The following L3MBTL4 variants were observed in gnomAD, a reference collection of about 807,000 sequenced individuals.
L3MBTL4 encodes the protein lethal(3)malignant brain tumor-like protein 4.
Under a neutral mutation model 84.5 loss-of-function variants are expected in L3MBTL4, and 70 were observed. The observed-to-expected ratio is 0.83, with a 90% CI of 0.68 to 1.01. L3MBTL4 has a LOEUF of 1.01. Ranked by LOEUF, L3MBTL4 falls within the 50% of genes least tolerant of loss-of-function variation. The probability of loss-of-function intolerance (pLI) is 0.00; values close to 1 mark genes in which losing one functional copy is unlikely to be tolerated. For missense variants in L3MBTL4, 715 were observed against 754.8 expected (o/e 0.95, Z 0.62); for synonymous variants, 274 against 259.8 (o/e 1.05, Z -0.52).
intron 5 of L3MBTL4, among the ~76,000 whole-genome samples, chr18:6,257,983 T>G (rs1341282779): frequency 6.6e-6 from 1 of 152,110 alleles, no homozygotes; most frequent in Non-Finnish European, 1.5e-5. Flanking sequence ...AACGTCAGCT[T>G]ACAGGCAGGC....
intron 12 of L3MBTL4, among the ~76,000 whole-genome samples, chr18:6,206,082 G>A (rs963289284): frequency 6.6e-6 from 1 of 152,158 alleles, no homozygotes; most frequent in Admixed American, 6.5e-5. Context: ...TATACTTTTT[G>A]AGCAAATATA....
intron 4 of L3MBTL4, among the ~76,000 whole-genome samples, chr18:6,289,834 C>T (rs1367674823): frequency 6.6e-6 from 1 of 152,180 alleles, no homozygotes; most frequent in Non-Finnish European, 1.5e-5. Flanking sequence ...TGAATTGCTA[C>T]ATACATAACC....
chr18:6,327,322 G>A (rs1313302815), intron 1 of L3MBTL4, among the ~76,000 whole-genome samples: 3 of 152,140 alleles, frequency 2.0e-5, no homozygotes, highest in African/African-American at 4.8e-5. Context: ...AATGTTTATC[G>A]TGGCTTTTGT....
intron 1 of L3MBTL4, among the ~76,000 whole-genome samples, chr18:6,373,791 C>A (rs867680847): frequency 3.1e-4 from 46 of 148,970 alleles, no homozygotes; most frequent in Middle Eastern, 3.5e-3. Flanking sequence ...AAAAAAAAAA[C>A]CCACTTTACC....
intron 10 of L3MBTL4, among the ~76,000 whole-genome samples, chr18:6,226,388 A>G (rs1036294128): frequency 1.3e-5 from 2 of 152,216 alleles, no homozygotes; most frequent in Non-Finnish European, 2.9e-5. Flanking sequence ...ACTGAGGAAC[A>G]GAGTGAGATT....
chr18:6,179,436 G>A (rs1225877900), intron 12 of L3MBTL4, among the ~76,000 whole-genome samples: 2 of 152,214 alleles, frequency 1.3e-5, no homozygotes, highest in Non-Finnish European at 2.9e-5. Context: ...GTGCTAATAA[G>A]ATTATAGTTC....
At chr18:6,135,416 T>C (rs1194483310) in intron 14 of L3MBTL4, among the ~76,000 whole-genome samples, 1 of 152,206 alleles carries the variant, frequency 6.6e-6, no homozygotes, top group African/African-American at 2.4e-5. Context: ...TCTTTTCTAC[T>C]GCATCATCAG....
At chr18:6,349,805 G>C (rs1009011685) in intron 1 of L3MBTL4, among the ~76,000 whole-genome samples, 1 of 152,190 alleles carries the variant, frequency 6.6e-6, no homozygotes, top group African/African-American at 2.4e-5. Flanking sequence ...GTAATCACCT[G>C]TGGTGGGAGG....
At chr18:6,059,990 G>A (rs1244366322) in intron 16 of L3MBTL4, among the ~76,000 whole-genome samples, 1 of 152,168 alleles carries the variant, frequency 6.6e-6, no homozygotes, top group African/African-American at 2.4e-5. Context: ...TATTTTAATT[G>A]ACATCTAAAG....
intron 16 of L3MBTL4, among the ~76,000 whole-genome samples, chr18:6,027,708 G>A (rs757812258): frequency 2.8e-4 from 42 of 152,088 alleles, no homozygotes; most frequent in Admixed American, 6.5e-4. Flanking sequence ...GTTGTTTCCT[G>A]ACTTTTTAAT....
chr18:6,134,606 C>A (rs929825425), intron 14 of L3MBTL4, among the ~76,000 whole-genome samples: 29 of 152,270 alleles, frequency 1.9e-4, no homozygotes, highest in African/African-American at 7.0e-4. Context: ...AGGGCCCATG[C>A]AAGTCTGATA....
chr18:6,078,890 G>A (rs2057968716), intron 16 of L3MBTL4, among the ~76,000 whole-genome samples: 1 of 152,160 alleles, frequency 6.6e-6, no homozygotes, highest in Non-Finnish European at 1.5e-5. Flanking sequence ...GGGGTGATGG[G>A]AGACAGTGAC....
chr18:6,280,347 T>C (rs1487409046), intron 4 of L3MBTL4, among the ~76,000 whole-genome samples: 1 of 152,168 alleles, frequency 6.6e-6, no homozygotes, highest in South Asian at 2.1e-4. Flanking sequence ...CCACTGAGCT[T>C]TTTATGACTC....
chr18:6,223,227 C>G (rs778697426), intron 10 of L3MBTL4, among the ~76,000 whole-genome samples: 13 of 151,992 alleles, frequency 8.6e-5, no homozygotes, highest in Admixed American at 2.6e-4. Flanking sequence ...ATTCAGCCAA[C>G]AGGTTTGAAT....
intron 5 of L3MBTL4, among the ~76,000 whole-genome samples, chr18:6,261,537 T>C (rs923929276): frequency 6.6e-6 from 1 of 152,178 alleles, no homozygotes; most frequent in African/African-American, 2.4e-5. Flanking sequence ...CACAACGTTG[T>C]GCCCCTCCCA....
chr18:6,158,263 C>T (rs749842591), intron 13 of L3MBTL4, among the ~76,000 whole-genome samples: 8 of 152,080 alleles, frequency 5.3e-5, no homozygotes, highest in African/African-American at 1.2e-4. Flanking sequence ...TTTTGCACTG[C>T]GGAGATAAGG....
chr18:6,174,158 A>C (rs2044111807), intron 12 of L3MBTL4, among the ~76,000 whole-genome samples: 1 of 152,070 alleles, frequency 6.6e-6, no homozygotes, highest in African/African-American at 2.4e-5. Context: ...AAAAAAAAAA[A>C]AACTCCCACT....
intron 4 of L3MBTL4, among the ~76,000 whole-genome samples, chr18:6,274,174 TA>T: frequency 6.6e-6 from 1 of 152,342 alleles, no homozygotes; most frequent in Non-Finnish European, 1.5e-5. Context: ...CAAAGTGTGA[TA>T]CCCAAACCAG....
At chr18:6,074,013 C>G (rs140718761) in intron 16 of L3MBTL4, among the ~76,000 whole-genome samples, 1 of 152,256 alleles carries the variant, frequency 6.6e-6, no homozygotes, top group East Asian at 1.9e-4. Flanking sequence ...TTTGCACTTA[C>G]AATGTTGTGA....
Sources: gnomAD v4.1 joint callset for allele counts (sites outside exome capture counted in the v4.1 genomes callset) on GRCh38, gnomAD v4.1.1 for gene constraint, MANE v1.5 for transcripts, NCBI Gene and HGNC (gene_info 2026-07-23, HGNC 2026-07-21) for gene names.